The following CNNM1 variants were observed in gnomAD, a reference collection of about 807,000 sequenced individuals.
CNNM1 encodes the protein metal transporter CNNM1.
CNNM1 carries 44 observed loss-of-function variants against 78.8 expected under a neutral mutation model. The ratio of observed to expected loss-of-function variants is 0.56; its 90% confidence interval spans 0.44 to 0.72. The LOEUF is 0.72. Among genes scored for constraint, CNNM1 ranks in the 30% least tolerant of loss-of-function variants. The probability of loss-of-function intolerance (pLI) is 0.00; values close to 1 mark genes in which losing one functional copy is unlikely to be tolerated. For synonymous variants in CNNM1, 584 were observed against 581.5 expected (o/e 1.00, Z -0.06); for missense variants, 1,101 against 1,292.2 (o/e 0.85, Z 2.27).
At chr10:99,342,097 G>A (rs1414143609) in intron 1 of CNNM1, among the ~76,000 whole-genome samples, 1 of 152,170 alleles carries the variant, frequency 6.6e-6, no homozygotes, top group Admixed American at 6.5e-5. Context: ...CTCACTTACA[G>A]TTTCTGTTTC....
chr10:99,374,220 G>A (rs2031897064), intron 6 of CNNM1, among the ~76,000 whole-genome samples: 1 of 152,078 alleles, frequency 6.6e-6, no homozygotes, highest in African/African-American at 2.4e-5. Context: ...AATTACCTTG[G>A]TGCTTCATGT....
chr10:99,379,816 G>C (rs1279801277), intron 7 of CNNM1, among the ~76,000 whole-genome samples: 1 of 151,858 alleles, frequency 6.6e-6, no homozygotes, highest in Non-Finnish European at 1.5e-5. Context: ...ATTTATATTA[G>C]TCAGTTTTGG....
At chr10:99,340,876 T>TCCTTCCTGCCTGCCTGCCTGCCTG (rs71009744) in intron 1 of CNNM1, among the ~76,000 whole-genome samples, 6,043 of 138,076 alleles carry the variant, frequency 0.044, 172 homozygotes, top group East Asian at 0.11. Flanking sequence ...CTTCCTTCCT[T>TCCTTCCTGCCTGCCTGCCTGCCTG]CCTGCCTGCC....
chr10:99,341,180 TC>T (rs993792811), intron 1 of CNNM1, among the ~76,000 whole-genome samples: 3 of 152,052 alleles, frequency 2.0e-5, no homozygotes, highest in Non-Finnish European at 2.9e-5. Flanking sequence ...AAGGAGTTCA[TC>T]AGAGGAAGAG....
intron 1 of CNNM1, among the ~76,000 whole-genome samples, chr10:99,342,678 A>C (rs576128337): frequency 6.6e-6 from 1 of 152,154 alleles, no homozygotes; most frequent in Non-Finnish European, 1.5e-5. Flanking sequence ...GTTAAAAACA[A>C]CAACAACAAC....
intron 6 of CNNM1, among the ~76,000 whole-genome samples, chr10:99,365,573 G>T (rs2031588282): frequency 6.6e-6 from 1 of 152,306 alleles, no homozygotes; most frequent in Admixed American, 6.5e-5. Flanking sequence ...CAGGGCTGAT[G>T]GCTGGTTTGC....
At chr10:99,362,571 C>G (rs2031476386) in intron 4 of CNNM1, among the ~76,000 whole-genome samples, 175 bp downstream of exon 4, 1 of 152,202 alleles carries the variant, frequency 6.6e-6, no homozygotes, top group African/African-American at 2.4e-5. Flanking sequence ...ACATGGAAGA[C>G]TGGTGTCCTG....
In CNNM1 at chr10:99,334,406, AT is replaced by A. The variant is rs575948189; in HGVS notation, c.1573+3450del. ...AGTGGCTCACGCCTGTAATCCCAGC[AT>A]TTTGGGAGGGCGAGGTGGGTGGATC... On this transcript the variant is annotated intron_variant, in intron 1 of 10. Coordinates refer to ENST00000356713, the MANE Select transcript of CNNM1 (RefSeq NM_020348.3). 2.5e-3 allele frequency among the ~76,000 whole-genome samples: 374 copies of A among 152,288 alleles called. 2 individuals are homozygous for A. Among genetic ancestry groups the A allele is most frequent in the Middle Eastern group, 6.8e-3 (2 of 294 alleles).
chr10:99,387,421 G>A (rs1432461694), intron 7 of CNNM1, among the ~76,000 whole-genome samples: 2 of 152,198 alleles, frequency 1.3e-5, no homozygotes, highest in South Asian at 2.1e-4. Flanking sequence ...GGGCATGAGA[G>A]CTTCCCTGCT....
At chr10:99,352,723 G>A (rs2030992156) in intron 1 of CNNM1, among the ~76,000 whole-genome samples, 1 of 151,218 alleles carries the variant, frequency 6.6e-6, no homozygotes. Context: ...TTTTTTATGT[G>A]TTGTAATATT....
At chr10:99,353,153 CT>C (rs2031007772) in intron 1 of CNNM1, among the ~76,000 whole-genome samples, 1 of 152,108 alleles carries the variant, frequency 6.6e-6, no homozygotes, top group Admixed American at 6.6e-5. Flanking sequence ...CTAATCAAAT[CT>C]TTTGCCCACT....
intron 7 of CNNM1, among the ~76,000 whole-genome samples, chr10:99,382,821 C>A (rs1287395907): frequency 1.3e-5 from 2 of 152,190 alleles, no homozygotes; most frequent in African/African-American, 4.8e-5. Context: ...TTCTGGACAC[C>A]TTGGCTGCTA....
At chr10:99,352,366 G>T (rs1245844525) in intron 1 of CNNM1, among the ~76,000 whole-genome samples, 1 of 152,116 alleles carries the variant, frequency 6.6e-6, no homozygotes, top group African/African-American at 2.4e-5. Flanking sequence ...TTGGAAACAT[G>T]TACAAGTTTT....
intron 6 of CNNM1, among the ~76,000 whole-genome samples, chr10:99,372,525 A>C (rs10509735): frequency 0.56 from 85,689 of 152,036 alleles, 27,630 homozygotes; most frequent in Non-Finnish European, 0.73. Context: ...ACCTCCTTGC[A>C]TTATACTTAG....
intron 1 of CNNM1, among the ~76,000 whole-genome samples, chr10:99,333,332 CATTT>C (rs1364242152): frequency 2.0e-5 from 3 of 152,012 alleles, no homozygotes; most frequent in Non-Finnish European, 2.9e-5. Flanking sequence ...CTCATTCATT[CATTT>C]GTTTAGGTTT....
intron 3 of CNNM1, 134 bp downstream of exon 3, chr10:99,361,109 G>T: frequency 9.8e-7 from 1 of 1,015,604 alleles, no homozygotes; most frequent in South Asian, 2.1e-5. Flanking sequence ...CTAGGAAGGA[G>T]GTTGCCTTAG....
chr10:99,334,786 G>A (rs185898261), intron 1 of CNNM1, among the ~76,000 whole-genome samples: 46 of 152,280 alleles, frequency 3.0e-4, no homozygotes, highest in African/African-American at 1.0e-3. Context: ...GGAAAATGAC[G>A]ATATTAATAG....
intron 1 of CNNM1, among the ~76,000 whole-genome samples, chr10:99,338,460 G>A (rs1358400665): frequency 1.3e-5 from 2 of 152,050 alleles, no homozygotes; most frequent in Admixed American, 1.3e-4. Context: ...TTGTATTTTA[G>A]TAGAGACGAG....
At chr10:99,375,347 A>G (rs945973235) in intron 6 of CNNM1, among the ~76,000 whole-genome samples, 1 of 152,094 alleles carries the variant, frequency 6.6e-6, no homozygotes, top group African/African-American at 2.4e-5. Context: ...CTGGGATTTG[A>G]GTGGAGACAG....
Sources: allele counts gnomAD v4.1 joint callset (sites outside exome capture counted in the v4.1 genomes callset), GRCh38; gene constraint gnomAD v4.1.1; transcripts MANE v1.5; gene names NCBI Gene and HGNC (gene_info 2026-07-23, HGNC 2026-07-21).